Variants in PDYN observed in about 807,000 individuals in gnomAD.
PDYN encodes the protein prodynorphin.
PDYN carries 5 observed loss-of-function variants against 11.4 expected under a neutral mutation model. The observed-to-expected ratio is 0.44, with a 90% CI of 0.23 to 0.92. PDYN has a LOEUF of 0.92. PDYN is among the 40% of genes least tolerant of loss of function. The pLI, the probability that PDYN is intolerant of heterozygous loss-of-function variation, is 0.24. For missense variants in PDYN, 337 were observed against 317.3 expected (o/e 1.06, Z -0.47); for synonymous variants, 132 against 129.5 (o/e 1.02, Z -0.13).
At chr20:1,981,104 T>C (rs990113613) in intron 3 of PDYN, 146 bp from the exon 4 acceptor site, 2 of 851,226 alleles carry the variant, frequency 2.3e-6, no homozygotes, top group Non-Finnish European at 1.9e-6. Flanking sequence ...CTACTGGTGG[T>C]GCATAAAGGT....
chr20:1,980,018 G>T lies in PDYN; in HGVS notation c.*305C>A, dbSNP rs926147188. The stretch of plus-strand genomic sequence containing the variant: ...TGGAATTGAGGAGTCACGTGAACAG[G>T]TTGGAAGGACAGATCACAAACTGCT... On this transcript the variant is annotated 3_prime_UTR_variant, in exon 4 of 4. Transcript: ENST00000217305. The T allele has an allele frequency of 8.7e-6, 4 of 458,356 alleles. No homozygotes were observed. The highest frequency in any genetic ancestry group is 1.6e-5 in the Non-Finnish European group (4 of 247,624). 28.4% of individuals were successfully genotyped at this position (458,356 alleles called of 1,614,324 possible). A position where few individuals can be genotyped will look rare whatever the true frequency, so the allele number is the denominator to read the frequency against.
chr20:1,990,301 C>G (rs898920073), intron 2 of PDYN, among the ~76,000 whole-genome samples: 2 of 152,170 alleles, frequency 1.3e-5, no homozygotes, highest in Admixed American at 6.5e-5. Flanking sequence ...AAATATGTAT[C>G]GAGTGTCTTT....
rs1447791436 is a variant in PDYN at position 1,992,652 on chromosome 20, A to G, written c.-79-9T>C. The G allele has an allele frequency of 1.3e-5, 2 of 152,320 alleles. No individual in the cohort carries two copies. Among genetic ancestry groups the G allele is most frequent in the African/African-American group, 4.8e-5 (2 of 41,450 alleles). 9.4% of individuals were successfully genotyped at this position (152,320 alleles called of 1,614,324 possible). ...GCCTGAAGATAAATGACCTGCAAAAATAGAACAAAGGCAAGGTGTGGTGGG... is the reference window on the plus strand; with the variant it reads ...GCCTGAAGATAAATGACCTGCAAAAGTAGAACAAAGGCAAGGTGTGGTGGG... On this transcript the variant is annotated splice_polypyrimidine_tract_variant and intron_variant, in intron 1 of 3. Transcript: ENST00000217305.
rs1987642688 is a variant in PDYN at position 1,980,227 on chromosome 20, A to T, written c.*96T>A. 1 of 1,204,418 alleles carries T rather than the reference A, an allele frequency of 8.3e-7. No homozygotes were observed. The highest frequency in any genetic ancestry group is 1.5e-5 in the African/African-American group (1 of 67,210). The allele number at this position is 1,204,418 out of a possible 1,614,324, so 74.6% of individuals were successfully genotyped here. On this transcript the variant is annotated 3_prime_UTR_variant, in exon 4 of 4. Transcript: ENST00000217305. ...TTTTGTACACAATGCTGAGCTGAGC[A>T]TGGGGAAGGGGCACATATAAGAGGA...
rs1346964496 is a variant in PDYN, at chr20:1,980,781, G to C, written c.307C>G (p.Leu103Val). 2.5e-6 allele frequency: 4 copies of C among 1,614,186 alleles called. No individual in the cohort carries two copies. In the South Asian group the frequency reaches 4.4e-5, roughly 18 times the overall value. ...SELAKLSGSF[L>V]KELEKSKFLP... ...AACTTGCTTTTCTCCAGCTCCTTCA[G>C]GAATGACCCAGAGAGCTTGGCCAGC... Residue 103 changes from leucine to valine, a missense_variant, in exon 4 of 4, where the codon CTG becomes GTG. Physicochemically the swap from Leu to Val is conservative, Grantham distance 32 (BLOSUM62 1). Transcript: ENST00000217305.
rs1987616959 is a variant in PDYN, at chr20:1,979,959, C to T, written c.*364G>A. On this transcript the variant is annotated 3_prime_UTR_variant, in exon 4 of 4. Coordinates refer to ENST00000217305, the MANE Select transcript of PDYN (RefSeq NM_024411.5). ...TCTGTTAAGTTTGGACATCATAGACCTACAGGTACAAAGAACACATCGCTC... is the reference window on the plus strand; with the variant it reads ...TCTGTTAAGTTTGGACATCATAGACTTACAGGTACAAAGAACACATCGCTC... The T allele has an allele frequency of 5.6e-6, 2 of 358,952 alleles. No individual in the cohort carries two copies. Among genetic ancestry groups the T allele is most frequent in the Admixed American group, 4.1e-5 (1 of 24,358 alleles). The allele number at this position is 358,952 out of a possible 1,614,324, so 22.2% of individuals were successfully genotyped here. A position where few individuals can be genotyped will look rare whatever the true frequency, so the allele number is the denominator to read the frequency against.
chr20:1,988,826 C>T (rs530401098), intron 2 of PDYN, among the ~76,000 whole-genome samples: 2 of 152,302 alleles, frequency 1.3e-5, no homozygotes, highest in South Asian at 4.1e-4. Context: ...GACTCACCAG[C>T]CTGCCTAATC....
chr20:1,985,656 G>C (rs1464203339), intron 2 of PDYN, among the ~76,000 whole-genome samples: 2 of 152,114 alleles, frequency 1.3e-5, no homozygotes, highest in Non-Finnish European at 2.9e-5. Flanking sequence ...ATAGCAATTC[G>C]AGGCATAAGC....
At chr20:1,989,007 T>C (rs1188625732) in intron 2 of PDYN, among the ~76,000 whole-genome samples, 1 of 152,216 alleles carries the variant, frequency 6.6e-6, no homozygotes, top group Non-Finnish European at 1.5e-5. Flanking sequence ...ACAGAGACTG[T>C]AGGGCCAAGA....
chr20:1,980,876 G>A lies in PDYN; in HGVS notation c.212C>T (p.Pro71Leu). 1 of 1,614,178 alleles carries A rather than the reference G, an allele frequency of 6.2e-7. No homozygotes were observed. The highest frequency in any genetic ancestry group is 8.5e-7 in the Non-Finnish European group (1 of 1,180,028). The change falls in exon 4 of 4, where the codon CCC becomes CTC. Residue 71 changes from proline (P) to leucine (L), a missense_variant. Physicochemically the swap from Pro to Leu is moderately conservative, Grantham distance 98. Transcript: ENST00000217305. Reference sequence around the variant, plus strand: ...CTTGTCATTGAGCCCAAGGGTGGAGGGGGTGAAAAAAGACAGAAAGCTCTG... The same window carrying A: ...CTTGTCATTGAGCCCAAGGGTGGAGAGGGTGAAAAAAGACAGAAAGCTCTG... ...RCQSFLSFFT[P>L]STLGLNDKED...
intron 2 of PDYN, among the ~76,000 whole-genome samples, chr20:1,987,666 G>A (rs1305113544): frequency 6.6e-6 from 1 of 152,188 alleles, no homozygotes; most frequent in African/African-American, 2.4e-5. Context: ...CCCGAAGCAG[G>A]ATCACCAAGT....
chr20:1,988,665 G>A (rs1355712765), intron 2 of PDYN, among the ~76,000 whole-genome samples: 2 of 152,202 alleles, frequency 1.3e-5, no homozygotes, highest in African/African-American at 2.4e-5. Flanking sequence ...CCAAGGACCC[G>A]GAGGCCACAC....
chr20:1,984,248 C>T (rs1351175554), intron 2 of PDYN, among the ~76,000 whole-genome samples: 2 of 152,186 alleles, frequency 1.3e-5, no homozygotes, highest in Admixed American at 6.5e-5. Context: ...AGTATTTTGA[C>T]CTCAGACTTC....
chr20:1,980,006 T>G lies in PDYN; in HGVS notation c.*317A>C. On this transcript the variant is annotated 3_prime_UTR_variant, in exon 4 of 4. Coordinates refer to ENST00000217305, the MANE Select transcript of PDYN (RefSeq NM_024411.5). Reference sequence around the variant, plus strand: ...GCTCTGGTTCCCTGGAATTGAGGAGTCACGTGAACAGGTTGGAAGGACAGA... The same window carrying G: ...GCTCTGGTTCCCTGGAATTGAGGAGGCACGTGAACAGGTTGGAAGGACAGA... 2.4e-6 allele frequency: 1 copy of G among 418,776 alleles called. No individual in the cohort carries two copies. Among genetic ancestry groups the G allele is most frequent in the Admixed American group, 3.7e-5 (1 of 27,194 alleles). 25.9% of individuals were successfully genotyped at this position (418,776 alleles called of 1,614,324 possible).
chr20:1,989,882 A>AC (rs1420424438), intron 2 of PDYN, among the ~76,000 whole-genome samples: 1 of 152,214 alleles, frequency 6.6e-6, no homozygotes, highest in Non-Finnish European at 1.5e-5. Context: ...AAGGACTGAG[A>AC]CGCTGTTCTG....
intron 2 of PDYN, among the ~76,000 whole-genome samples, chr20:1,984,607 T>G (rs1988059483): frequency 6.6e-6 from 1 of 152,180 alleles, no homozygotes; most frequent in Admixed American, 6.6e-5. Flanking sequence ...CTGTTAAAAG[T>G]TGTCTGTTTT....
intron 3 of PDYN, among the ~76,000 whole-genome samples, chr20:1,981,281 G>T (rs952570005): frequency 1.3e-5 from 2 of 152,146 alleles, no homozygotes; most frequent in Non-Finnish European, 2.9e-5. Context: ...TCCCAGACAG[G>T]AAACCCCATC....
chr20:1,991,977 G>A (rs1249940873), intron 2 of PDYN, among the ~76,000 whole-genome samples: 1 of 152,118 alleles, frequency 6.6e-6, no homozygotes, highest in Admixed American at 6.5e-5. Flanking sequence ...ATGATGGAGT[G>A]GGATGATCAG....
chr20:1,991,353 G>T (rs538862281), intron 2 of PDYN, among the ~76,000 whole-genome samples: 1 of 152,358 alleles, frequency 6.6e-6, no homozygotes, highest in East Asian at 1.9e-4. Context: ...GCTCTGGCCA[G>T]TGGGATGACC....
Sources: gnomAD v4.1 joint callset for allele counts (sites outside exome capture counted in the v4.1 genomes callset) on GRCh38, gnomAD v4.1.1 for gene constraint, MANE v1.5 for transcripts, NCBI Gene and HGNC (gene_info 2026-07-23, HGNC 2026-07-21) for gene names.